The following FAAH2 variants were observed in gnomAD, a reference collection of about 807,000 sequenced individuals.
FAAH2 encodes the protein fatty acid amide hydrolase 2, also known as fatty-acid amide hydrolase 2.
In FAAH2, 60 loss-of-function variants were observed where a neutral mutation model predicts 36.9. The observed-to-expected ratio is 1.63, with a 90% CI of 1.32 to 2.02. The LOEUF is 2.02. Among genes scored for constraint, FAAH2 ranks in the 30% most tolerant of loss-of-function variants. FAAH2 has a pLI of 0.00. For synonymous variants in FAAH2, 214 were observed against 143.8 expected, an observed-to-expected ratio of 1.49 and a Z score of -3.49; for missense variants, 689 against 397.5, an observed-to-expected ratio of 1.73 and a Z score of -6.23.
chrX:57,225,553 G>A, the FAAH2 span, among the ~76,000 whole-genome samples: 5 of 111,373 alleles, frequency 4.5e-5, no homozygotes, highest in Non-Finnish European at 7.5e-5. Context: ...TCATTTTATG[G>A]CCTATCATAT....
chrX:57,192,146 T>A, the FAAH2 span, among the ~76,000 whole-genome samples: 1 of 111,869 alleles, frequency 8.9e-6, no homozygotes, highest in African/African-American at 3.2e-5. Context: ...TTTTTTTAAA[T>A]AAATGTTTTG....
At position 57,417,096 on chromosome X, in the gene FAAH2, C is replaced by T. The variant is rs12689049; in HGVS notation, c.997-14822C>T. ...GCTCTGTCAGATCATTTATGTTCTT[C>T]TCTAACCTGGTTATTCTAGCTAGCA... is the stretch of plus-strand genomic sequence containing the variant. On this transcript the variant is annotated intron_variant, in intron 7 of 10. Coordinates refer to ENST00000374900, the MANE Select transcript of FAAH2 (RefSeq NM_174912.4). Among the ~76,000 whole-genome samples the T allele has an allele frequency of 2.2e-3, 247 of 112,036 alleles. 9 individuals carry two copies. In the East Asian group the frequency reaches 0.059, roughly 27 times the overall value.
At chrX:57,375,353 CTTTTTTTT>C (rs202228022) in intron 5 of FAAH2, among the ~76,000 whole-genome samples, 6 of 65,237 alleles carry the variant, frequency 9.2e-5, no homozygotes, top group Admixed American at 3.7e-4. Context: ...TGGTACTGCA[CTTTTTTTT>C]TTTTTTTTTT....
At chrX:57,231,270 G>A in the FAAH2 span, among the ~76,000 whole-genome samples, 2 of 110,488 alleles carry the variant, frequency 1.8e-5, no homozygotes, top group Admixed American at 1.9e-4. Flanking sequence ...CCCACTCTTG[G>A]TAGACTGAGG....
intron 7 of FAAH2, chrX:57,394,172 G>T: frequency 1.5e-6 from 1 of 649,961 alleles, no homozygotes; most frequent in South Asian, 2.2e-5. Flanking sequence ...GCCGCCTCCT[G>T]CAACACCACC....
chrX:57,431,311 T>G lies in FAAH2; in HGVS notation c.997-607T>G, dbSNP rs1203433664. Among the ~76,000 whole-genome samples the G allele has an allele frequency of 3.6e-5, 4 of 111,750 alleles. No homozygotes were observed. The Admixed American group carries it at 3.8e-4, about 11-fold the overall frequency. ...TGATCAGCAGTGTCTTACTTCTGCTTCTTCTCAGAGCTTAAGTTGTATTTT... is the reference window on the plus strand; with the variant it reads ...TGATCAGCAGTGTCTTACTTCTGCTGCTTCTCAGAGCTTAAGTTGTATTTT... On this transcript the variant is annotated intron_variant, in intron 7 of 10. Coordinates refer to ENST00000374900, the MANE Select transcript of FAAH2 (RefSeq NM_174912.4).
chrX:57,144,912 A>ATG, the FAAH2 span, among the ~76,000 whole-genome samples: 1 of 85,101 alleles, frequency 1.2e-5, no homozygotes, highest in Non-Finnish European at 2.1e-5. Flanking sequence ...ATGTATATGT[A>ATG]TGTGTGTGCA....
the FAAH2 span, among the ~76,000 whole-genome samples, chrX:57,277,103 C>G: frequency 9.2e-6 from 1 of 108,733 alleles, no homozygotes. Context: ...GATACCAAAA[C>G]CTGGCAGAGA....
In FAAH2 at chrX:57,329,738, G is replaced by T. The variant is rs1324772300; in HGVS notation, c.413-1860G>T. The stretch of plus-strand genomic sequence containing the variant: ...AGGGAGGCTGCCGTAGTGGCAGGGT[G>T]TTGCAGGAAGTCAGGGACCCCAAAC... On this transcript the variant is annotated intron_variant, in intron 3 of 10. Coordinates refer to ENST00000374900, the MANE Select transcript of FAAH2 (RefSeq NM_174912.4). 1.2e-4 allele frequency among the ~76,000 whole-genome samples: 13 copies of T among 110,809 alleles called. No homozygotes were observed. The Admixed American group carries it at 1.3e-3, about 11-fold the overall frequency.
chrX:57,209,833 G>A, the FAAH2 span, among the ~76,000 whole-genome samples: 1 of 111,373 alleles, frequency 9.0e-6, no homozygotes, highest in Non-Finnish European at 1.9e-5. Context: ...GTCTGAAACA[G>A]TCAGTCTTTT....
the FAAH2 span, among the ~76,000 whole-genome samples, chrX:57,191,171 A>G: frequency 8.9e-6 from 1 of 111,910 alleles, no homozygotes; most frequent in African/African-American, 3.2e-5. Flanking sequence ...TCTTTTGTAT[A>G]TAAGCCATTT....
At chrX:57,417,845 C>T (rs1004935136) in intron 7 of FAAH2, among the ~76,000 whole-genome samples, 7 of 111,984 alleles carry the variant, frequency 6.3e-5, no homozygotes, top group African/African-American at 2.3e-4. Context: ...CCCCTTCCCC[C>T]AGGTTCTCTA....
chrX:57,339,233 CCTTT>C (rs1240053730), intron 4 of FAAH2, among the ~76,000 whole-genome samples: 1 of 111,989 alleles, frequency 8.9e-6, no homozygotes, highest in African/African-American at 3.2e-5. Flanking sequence ...GAAACTGGAC[CCTTT>C]CTTTACACCT....
chrX:57,316,632 C>A (rs2052847870), intron 3 of FAAH2, among the ~76,000 whole-genome samples: 1 of 111,174 alleles, frequency 9.0e-6, no homozygotes, highest in Admixed American at 9.6e-5. Context: ...GGAAGGACTC[C>A]CTATTCAATA....
the FAAH2 span, among the ~76,000 whole-genome samples, chrX:57,126,379 C>G: frequency 8.9e-6 from 1 of 112,202 alleles, no homozygotes. Flanking sequence ...CTCTTGGGAA[C>G]AACATAAGCC....
rs189956845 is a variant in FAAH2, at chrX:57,428,292, G to T, written c.997-3626G>T. On this transcript the variant is annotated intron_variant, in intron 7 of 10. Transcript: ENST00000374900. ...TCTTATGCTCTTGAATAAGAGGAATGAATATCATTAAAATGTCTATATTAT... is the reference window on the plus strand; with the variant it reads ...TCTTATGCTCTTGAATAAGAGGAATTAATATCATTAAAATGTCTATATTAT... Among the ~76,000 whole-genome samples, 8 of 111,838 alleles carry T rather than the reference G, an allele frequency of 7.2e-5. No individual in the cohort carries two copies. In the East Asian group the frequency reaches 1.4e-3, roughly 20 times the overall value.
At chrX:57,332,685 C>G (rs916139052) in intron 4 of FAAH2, among the ~76,000 whole-genome samples, 3 of 110,995 alleles carry the variant, frequency 2.7e-5, no homozygotes, top group Non-Finnish European at 5.7e-5. Context: ...TCTTAGGGGC[C>G]CCACACAATT....
the FAAH2 span, among the ~76,000 whole-genome samples, chrX:57,261,211 C>A: frequency 2.7e-5 from 3 of 111,264 alleles, no homozygotes; most frequent in Non-Finnish European, 5.6e-5. Flanking sequence ...AATTAAAGGG[C>A]ACATATTATA....
At chrX:57,149,974 G>C in the FAAH2 span, among the ~76,000 whole-genome samples, 1 of 111,268 alleles carries the variant, frequency 9.0e-6, no homozygotes, top group Non-Finnish European at 1.9e-5. Context: ...TGTTCTCATT[G>C]GTTTCAAAGA....
Sources: gnomAD v4.1 joint callset for allele counts (sites outside exome capture counted in the v4.1 genomes callset) on GRCh38, gnomAD v4.1.1 for gene constraint, MANE v1.5 for transcripts, NCBI Gene and HGNC (gene_info 2026-07-23, HGNC 2026-07-21) for gene names.